Variants in ACVR1C observed in about 807,000 individuals in gnomAD.
ACVR1C encodes activin A receptor type 1C.
A neutral mutation model predicts 57.9 loss-of-function variants in ACVR1C; 23 were observed. The observed-to-expected ratio is 0.40, with a 90% CI of 0.29 to 0.56. The LOEUF (loss-of-function observed/expected upper bound fraction) is 0.56. Among genes scored for constraint, ACVR1C ranks in the 20% least tolerant of loss-of-function variants. The pLI is 0.50. For missense variants in ACVR1C, 480 were observed against 607.9 expected, an observed-to-expected ratio of 0.79 and a Z score of 2.21; for synonymous variants, 214 against 215.3, an observed-to-expected ratio of 0.99 and a Z score of 0.05.
At chr2:157,583,334 G>T (rs1334812461) in intron 2 of ACVR1C, among the ~76,000 whole-genome samples, 6 of 152,080 alleles carry the variant, frequency 3.9e-5, no homozygotes, top group Non-Finnish European at 8.8e-5. Context: ...TATAAGACCT[G>T]TTCTCTGATA....
intron 2 of ACVR1C, among the ~76,000 whole-genome samples, chr2:157,582,354 T>C (rs538791452): frequency 6.6e-6 from 1 of 152,286 alleles, no homozygotes; most frequent in East Asian, 1.9e-4. Context: ...GTAGCATTTC[T>C]TGTAGACATT....
Position 157,552,783 on chromosome 2 carries a change from T to C in ACVR1C, c.545-2391A>G, listed in dbSNP as rs896344116. On this transcript the variant is annotated intron_variant, in intron 3 of 8. Transcript: ENST00000243349. Reference sequence around the variant, plus strand: ...TAAAACTCAATAAAATTTGCTTTGGTATCTTTCAAAGCAACCACCAAAATG... The same window carrying C: ...TAAAACTCAATAAAATTTGCTTTGGCATCTTTCAAAGCAACCACCAAAATG... Among the ~76,000 whole-genome samples the C allele has an allele frequency of 3.9e-5, 6 of 152,348 alleles. 1 individual carries two copies. In the Middle Eastern group the frequency reaches 0.01, roughly 259 times the overall value.
intron 2 of ACVR1C, among the ~76,000 whole-genome samples, chr2:157,575,130 T>G (rs1031399604): frequency 6.9e-6 from 1 of 144,528 alleles, no homozygotes; most frequent in Non-Finnish European, 1.5e-5. Context: ...CCCGGCAAGT[T>G]CTTTTTTTTT....
At chr2:157,539,753 G>A (rs904769934) in intron 7 of ACVR1C, among the ~76,000 whole-genome samples, 4 of 152,208 alleles carry the variant, frequency 2.6e-5, no homozygotes, top group African/African-American at 9.6e-5. Flanking sequence ...TTTGTTCAGA[G>A]ACATAGAGCT....
chr2:157,621,736 T>A (rs1227085084), intron 1 of ACVR1C, among the ~76,000 whole-genome samples: 1 of 152,178 alleles, frequency 6.6e-6, no homozygotes, highest in Non-Finnish European at 1.5e-5. Flanking sequence ...AGACCTGGAC[T>A]AATGCGAGGT....
At chr2:157,582,384 C>T (rs185951054) in intron 2 of ACVR1C, among the ~76,000 whole-genome samples, 7 of 152,228 alleles carry the variant, frequency 4.6e-5, no homozygotes, top group East Asian at 1.9e-4. Flanking sequence ...CCAGACAACA[C>T]GTATCTTCCC....
Position 157,556,237 on chromosome 2 carries a change from A to G in ACVR1C, c.400T>C (p.Trp134Arg). 2 of 1,614,168 alleles carry G rather than the reference A, an allele frequency of 1.2e-6. No individual in the cohort carries two copies. Among genetic ancestry groups the G allele is most frequent in the African/African-American group, 1.3e-5 (1 of 75,030 alleles). ...GAGCACTGTCGACCCTGGCATGCCC[A>G]TACTGTCAGCATCGCAGCTATGGAC... ...LLSIAAMLTV[W>R]ACQGRQCSYR... The change falls in exon 3 of 9, where the codon TGG (tryptophan) becomes CGG (arginine). Residue 134 changes from tryptophan to arginine, a missense_variant. Trp to Arg is a moderately radical substitution (Grantham distance 101, BLOSUM62 -3). Coordinates refer to ENST00000243349, the MANE Select transcript of ACVR1C (RefSeq NM_145259.3).
chr2:157,533,950 G>C lies in ACVR1C; in HGVS notation c.1450C>G (p.Gln484Glu). Residue 484 changes from glutamine to glutamate, a missense_variant, in exon 9 of 9, where the codon CAA becomes GAA. Physicochemically the swap from Gln to Glu is conservative, Grantham distance 29. Coordinates refer to ENST00000243349, the MANE Select transcript of ACVR1C (RefSeq NM_145259.3). ...TTGCAGTCTTCTTTGACACAAAGTT[G>C]AGATATAGTCTTCTTAATACGAAGA... ...TALRIKKTIS[Q>E]LCVKEDCKA is the part of the protein sequence containing the mutation. 6.3e-7 allele frequency: 1 copy of C among 1,590,256 alleles called. No individual in the cohort carries two copies. The highest frequency in any genetic ancestry group is 1.2e-5 in the South Asian group (1 of 86,468).
chr2:157,579,152 G>T (rs1688727387), intron 2 of ACVR1C, among the ~76,000 whole-genome samples: 1 of 152,112 alleles, frequency 6.6e-6, no homozygotes, highest in Non-Finnish European at 1.5e-5. Flanking sequence ...TGGGATTGGG[G>T]AAGGGCGTTC....
At chr2:157,551,233 C>A (rs547504023) in intron 3 of ACVR1C, among the ~76,000 whole-genome samples, 1 of 152,148 alleles carries the variant, frequency 6.6e-6, no homozygotes, top group Non-Finnish European at 1.5e-5. Context: ...CACCTGTCTG[C>A]GCTTCAGCTT....
intron 4 of ACVR1C, among the ~76,000 whole-genome samples, chr2:157,548,297 G>C (rs1028451249): frequency 7.4e-5 from 11 of 147,710 alleles, no homozygotes; most frequent in Non-Finnish European, 1.2e-4. Flanking sequence ...ACAAATGGAA[G>C]AACATTCCAT....
At chr2:157,586,572 G>A (rs1387065107) in intron 2 of ACVR1C, among the ~76,000 whole-genome samples, 1 of 151,974 alleles carries the variant, frequency 6.6e-6, no homozygotes, top group Non-Finnish European at 1.5e-5. Flanking sequence ...CCTGATAAAG[G>A]GCCAGATCAG....
intron 2 of ACVR1C, among the ~76,000 whole-genome samples, chr2:157,583,985 A>G (rs1285811474): frequency 1.3e-5 from 2 of 152,276 alleles, no homozygotes; most frequent in South Asian, 2.1e-4. Flanking sequence ...CTAGTAAACT[A>G]TCATAATTTT....
At chr2:157,598,740 T>C (rs1160348850) in intron 1 of ACVR1C, among the ~76,000 whole-genome samples, 2 of 152,012 alleles carry the variant, frequency 1.3e-5, no homozygotes, top group Non-Finnish European at 2.9e-5. Flanking sequence ...GTTTCCACCA[T>C]GTTGGCCAGG....
At chr2:157,541,059 G>A in intron 7 of ACVR1C, 31 bp downstream of exon 7, 1 of 1,605,272 alleles carries the variant, frequency 6.2e-7, no homozygotes. Context: ...TCAAGGAAAG[G>A]CAAACACAAA....
chr2:157,559,612 C>T (rs1688189905), intron 2 of ACVR1C, among the ~76,000 whole-genome samples: 1 of 152,144 alleles, frequency 6.6e-6, no homozygotes, highest in Non-Finnish European at 1.5e-5. Flanking sequence ...AAGTGAGATG[C>T]ATTCTCCATG....
intron 8 of ACVR1C, among the ~76,000 whole-genome samples, chr2:157,535,143 C>CAAA (rs11349149): frequency 9.4e-5 from 9 of 95,986 alleles, no homozygotes; most frequent in South Asian, 3.5e-4. Flanking sequence ...AGACTCTGTC[C>CAAA]AAAAAAAAAA....
chr2:157,584,280 A>G (rs1034012676), intron 2 of ACVR1C, among the ~76,000 whole-genome samples: 3 of 151,426 alleles, frequency 2.0e-5, no homozygotes, highest in African/African-American at 7.3e-5. Context: ...TTTTTTTTGT[A>G]TTTTTAATAG....
intron 1 of ACVR1C, among the ~76,000 whole-genome samples, chr2:157,598,198 T>C (rs763556920): frequency 6.8e-6 from 1 of 146,548 alleles, no homozygotes; most frequent in Non-Finnish European, 1.5e-5. Context: ...AGGAAGAACA[T>C]TGAAAAAAAA....
Sources: gnomAD v4.1 joint callset for allele counts (sites outside exome capture counted in the v4.1 genomes callset) on GRCh38, gnomAD v4.1.1 for gene constraint, MANE v1.5 for transcripts, NCBI Gene and HGNC (gene_info 2026-07-23, HGNC 2026-07-21) for gene names.